ENTREP2: variants seen among roughly 807,000 people sequenced by gnomAD.
ENTREP2 encodes the protein endosomal transmembrane epsin interactor 2.
At chr15:29,570,474 A>G in the ENTREP2 span, 2 of 1,216,320 alleles carry the variant, frequency 1.6e-6, no homozygotes, top group Non-Finnish European at 2.1e-6. Flanking sequence ...CAGTCCCCGG[A>G]GCCCGTCCCC....
the ENTREP2 span, among the ~76,000 whole-genome samples, chr15:29,430,482 T>G: frequency 6.6e-6 from 1 of 152,186 alleles, no homozygotes; most frequent in Non-Finnish European, 1.5e-5. Flanking sequence ...ACTATGATCA[T>G]TATGAATGCA....
chr15:29,286,849 ATAATAGTC>A, the ENTREP2 span, among the ~76,000 whole-genome samples: 3 of 152,184 alleles, frequency 2.0e-5, no homozygotes, highest in Non-Finnish European at 4.4e-5. Flanking sequence ...TTAGCATGAG[ATAATAGTC>A]TTTGCTCTCC....
the ENTREP2 span, among the ~76,000 whole-genome samples, chr15:29,225,000 G>A: frequency 6.6e-6 from 1 of 152,204 alleles, no homozygotes; most frequent in Non-Finnish European, 1.5e-5. Flanking sequence ...CACATGCTAA[G>A]CCCCTCACTG....
chr15:29,363,699 T>C, the ENTREP2 span, among the ~76,000 whole-genome samples: 1 of 152,136 alleles, frequency 6.6e-6, no homozygotes, highest in South Asian at 2.1e-4. Context: ...AATAAGAGAA[T>C]CCAACTAGAA....
chr15:29,254,361 A>G, the ENTREP2 span, among the ~76,000 whole-genome samples: 1 of 152,120 alleles, frequency 6.6e-6, no homozygotes, highest in Non-Finnish European at 1.5e-5. Context: ...ATGTAAAGGA[A>G]TTTTGTCCAG....
the ENTREP2 span, among the ~76,000 whole-genome samples, chr15:29,254,492 T>C: frequency 6.6e-6 from 1 of 152,200 alleles, no homozygotes; most frequent in Admixed American, 6.5e-5. Flanking sequence ...TTGAACTGCT[T>C]GTAACATCTT....
the ENTREP2 span, among the ~76,000 whole-genome samples, chr15:29,270,857 C>G: frequency 2.0e-5 from 3 of 152,254 alleles, no homozygotes; most frequent in East Asian, 5.8e-4. Context: ...ACTGAATTTC[C>G]CTGTGTCTTT....
chr15:29,287,308 C>T, the ENTREP2 span, among the ~76,000 whole-genome samples: 1 of 151,462 alleles, frequency 6.6e-6, no homozygotes, highest in Non-Finnish European at 1.5e-5. Context: ...CAGCAAATAG[C>T]CGTGCCTGCA....
At chr15:29,424,146 T>TTA in the ENTREP2 span, among the ~76,000 whole-genome samples, 1 of 152,184 alleles carries the variant, frequency 6.6e-6, no homozygotes, top group African/African-American at 2.4e-5. Context: ...TCAATGTGAG[T>TTA]TATAGCTCAT....
the ENTREP2 span, among the ~76,000 whole-genome samples, chr15:29,420,657 C>T: frequency 1.3e-5 from 2 of 152,116 alleles, no homozygotes; most frequent in African/African-American, 4.8e-5. Context: ...AAATAAACAA[C>T]CTAGAGGCCA....
At chr15:29,518,043 C>A in the ENTREP2 span, among the ~76,000 whole-genome samples, 3 of 152,032 alleles carry the variant, frequency 2.0e-5, no homozygotes, top group African/African-American at 7.2e-5. Flanking sequence ...TTAAGACCAG[C>A]CTGGGCAACA....
the ENTREP2 span, among the ~76,000 whole-genome samples, chr15:29,341,777 C>T: frequency 2.0e-5 from 3 of 152,104 alleles, no homozygotes; most frequent in Admixed American, 6.6e-5. Flanking sequence ...CCGGGAGAAG[C>T]ACCTTACAAG....
the ENTREP2 span, among the ~76,000 whole-genome samples, chr15:29,633,335 A>G: frequency 6.6e-6 from 1 of 152,322 alleles, no homozygotes; most frequent in Admixed American, 6.5e-5. Flanking sequence ...GGAAATATTG[A>G]TTCCAACTTT....
the ENTREP2 span, among the ~76,000 whole-genome samples, chr15:29,673,603 C>T: frequency 5.1e-3 from 784 of 152,274 alleles, 6 homozygotes; most frequent in African/African-American, 0.018. Context: ...TTTGGGATGG[C>T]TCAGAATCTT....
the ENTREP2 span, among the ~76,000 whole-genome samples, chr15:29,307,486 A>C: frequency 1.3e-5 from 2 of 152,268 alleles, no homozygotes. Flanking sequence ...ATTGGATGAA[A>C]TATGAACATA....
the ENTREP2 span, among the ~76,000 whole-genome samples, chr15:29,225,658 T>C: frequency 6.6e-6 from 1 of 152,026 alleles, no homozygotes; most frequent in African/African-American, 2.4e-5. Flanking sequence ...GCAAAGTCAG[T>C]GGAGAGAAGT....
At chr15:29,373,074 T>A in the ENTREP2 span, among the ~76,000 whole-genome samples, 2 of 152,056 alleles carry the variant, frequency 1.3e-5, no homozygotes, top group Non-Finnish European at 2.9e-5. Context: ...AAAAAGACAC[T>A]TTGTTAAAAA....
At chr15:29,442,132 G>T in the ENTREP2 span, among the ~76,000 whole-genome samples, 1 of 152,210 alleles carries the variant, frequency 6.6e-6, no homozygotes, top group Non-Finnish European at 1.5e-5. Flanking sequence ...TAATGGAAGC[G>T]TTTGCACACA....
chr15:29,242,887 C>T, the ENTREP2 span, among the ~76,000 whole-genome samples: 1 of 152,322 alleles, frequency 6.6e-6, no homozygotes, highest in East Asian at 1.9e-4. Context: ...CACCTAGAGA[C>T]CAGCTGGGAG....
Sources: gnomAD v4.1 joint callset for allele counts (sites outside exome capture counted in the v4.1 genomes callset) on GRCh38, gnomAD v4.1.1 for gene constraint, MANE v1.5 for transcripts, NCBI Gene and HGNC (gene_info 2026-07-23, HGNC 2026-07-21) for gene names.